Variants in CSMD1 observed in about 807,000 individuals in gnomAD.
CSMD1 encodes CUB and Sushi multiple domains 1.
In CSMD1, 213 loss-of-function variants were observed where a neutral mutation model predicts 417.5. That is an observed-to-expected ratio of 0.51 (90% CI 0.46 to 0.57). The LOEUF (loss-of-function observed/expected upper bound fraction) is 0.57. Among genes scored for constraint, CSMD1 ranks in the 20% least tolerant of loss-of-function variants. The pLI, the probability that CSMD1 is intolerant of heterozygous loss-of-function variation, is 0.00. For synonymous variants in CSMD1, 2,862 were observed against 1,736.8 expected, an observed-to-expected ratio of 1.65 and a Z score of -16.11; for missense variants, 6,923 against 4,529.7, an observed-to-expected ratio of 1.53 and a Z score of -15.17.
chr8:4,056,616 T>C (rs1465720957), intron 3 of CSMD1, among the ~76,000 whole-genome samples: 2 of 151,906 alleles, frequency 1.3e-5, no homozygotes, highest in Non-Finnish European at 1.5e-5. Context: ...ACATGTGCCA[T>C]GCTGGGGTCC....
At chr8:4,459,675 G>C (rs1453976773) in intron 2 of CSMD1, among the ~76,000 whole-genome samples, 2 of 152,202 alleles carry the variant, frequency 1.3e-5, no homozygotes, top group Admixed American at 6.5e-5. Context: ...CTGCAAAGAA[G>C]TGTGGACATA....
intron 10 of CSMD1, among the ~76,000 whole-genome samples, chr8:3,558,176 C>G (rs568721199): frequency 1.3e-5 from 2 of 149,786 alleles, no homozygotes; most frequent in African/African-American, 5.0e-5. Context: ...CACCCCGTGT[C>G]CACTCCTCCA....
intron 54 of CSMD1, among the ~76,000 whole-genome samples, chr8:2,994,588 A>C (rs570283802): frequency 5.8e-4 from 88 of 152,332 alleles, no homozygotes; most frequent in African/African-American, 1.8e-3. Context: ...CTTTTATGAA[A>C]AACAACTCAT....
At chr8:3,385,317 A>G (rs771871689) in intron 18 of CSMD1, among the ~76,000 whole-genome samples, 12 of 138,908 alleles carry the variant, frequency 8.6e-5, no homozygotes, top group Admixed American at 4.0e-4. Context: ...CTTGCTAGAT[A>G]TATTATTCCT....
intron 1 of CSMD1, among the ~76,000 whole-genome samples, chr8:4,841,649 G>A (rs374782439): frequency 3.9e-5 from 6 of 152,012 alleles, no homozygotes; most frequent in Non-Finnish European, 5.9e-5. Context: ...GGTGGCTCAC[G>A]CCTGTAATCC....
intron 10 of CSMD1, among the ~76,000 whole-genome samples, chr8:3,536,771 G>A (rs538578210): frequency 9.2e-5 from 14 of 152,150 alleles, no homozygotes; most frequent in Non-Finnish European, 1.8e-4. Flanking sequence ...TTGTGTGGAA[G>A]GGACTAAGTC....
intron 1 of CSMD1, among the ~76,000 whole-genome samples, chr8:4,923,861 C>G (rs1229142247): frequency 2.0e-5 from 3 of 152,102 alleles, no homozygotes; most frequent in Non-Finnish European, 4.4e-5. Flanking sequence ...GTAACTGGCC[C>G]ACAAACTATA....
At chr8:3,549,473 A>G (rs887653551) in intron 10 of CSMD1, among the ~76,000 whole-genome samples, 3 of 152,210 alleles carry the variant, frequency 2.0e-5, no homozygotes, top group Non-Finnish European at 4.4e-5. Flanking sequence ...ATGTCGCAGC[A>G]GTGAGAGATG....
chr8:4,111,332 C>A (rs571369130), intron 3 of CSMD1, among the ~76,000 whole-genome samples: 5 of 151,628 alleles, frequency 3.3e-5, no homozygotes, highest in East Asian at 3.9e-4. Context: ...TCTGCTGTTA[C>A]GAAAAAAGAC....
At chr8:3,390,899 G>T (rs536853258) in intron 17 of CSMD1, among the ~76,000 whole-genome samples, 2 of 152,104 alleles carry the variant, frequency 1.3e-5, no homozygotes, top group South Asian at 4.2e-4. Flanking sequence ...CACAGCCTCC[G>T]AGAGGTTTCA....
At chr8:3,567,859 T>G (rs13279490) in intron 10 of CSMD1, among the ~76,000 whole-genome samples, 1 of 151,998 alleles carries the variant, frequency 6.6e-6, no homozygotes. Flanking sequence ...TCTCATTATA[T>G]AGTTGGACTC....
chr8:4,116,264 G>A (rs913260549), intron 3 of CSMD1, among the ~76,000 whole-genome samples: 1 of 151,896 alleles, frequency 6.6e-6, no homozygotes, highest in Non-Finnish European at 1.5e-5. Flanking sequence ...ACAGTGCTGG[G>A]ATTACAAGTG....
intron 3 of CSMD1, among the ~76,000 whole-genome samples, chr8:4,143,801 G>A (rs1009919758): frequency 2.6e-5 from 4 of 151,304 alleles, no homozygotes; most frequent in South Asian, 2.1e-4. Flanking sequence ...CAAGCAAGCT[G>A]TTCCAGGGCC....
intron 8 of CSMD1, among the ~76,000 whole-genome samples, chr8:3,603,353 G>C (rs113638461): frequency 1.9e-4 from 29 of 152,164 alleles, no homozygotes; most frequent in African/African-American, 6.5e-4. Context: ...AAAACACTTT[G>C]GACAATGGCA....
At chr8:4,851,004 T>C (rs933676983) in intron 1 of CSMD1, among the ~76,000 whole-genome samples, 1 of 151,734 alleles carries the variant, frequency 6.6e-6, no homozygotes, top group African/African-American at 2.4e-5. Context: ...AAAGTGCAGG[T>C]TAGTTACATA....
At chr8:4,543,257 G>C (rs766234088) in intron 2 of CSMD1, among the ~76,000 whole-genome samples, 4 of 152,022 alleles carry the variant, frequency 2.6e-5, no homozygotes, top group Non-Finnish European at 2.9e-5. Context: ...CACATCTGAC[G>C]GTGTGGACTG....
chr8:4,042,528 A>G (rs1454445693), intron 3 of CSMD1, among the ~76,000 whole-genome samples: 6 of 152,128 alleles, frequency 3.9e-5, no homozygotes, highest in Non-Finnish European at 7.4e-5. Context: ...TAGCAGGCCC[A>G]TACCACAAGG....
At chr8:4,744,695 A>G (rs555084524) in intron 1 of CSMD1, among the ~76,000 whole-genome samples, 5 of 152,324 alleles carry the variant, frequency 3.3e-5, no homozygotes, top group South Asian at 2.1e-4. Flanking sequence ...ATTATTTTAC[A>G]TAATGCTTTT....
At chr8:3,023,848 G>A (rs960406708) in intron 51 of CSMD1, among the ~76,000 whole-genome samples, 2 of 145,574 alleles carry the variant, frequency 1.4e-5, no homozygotes, top group Non-Finnish European at 3.0e-5. Flanking sequence ...ATGAACACTG[G>A]GGAGTCAAAA....
Sources: gnomAD v4.1 joint callset for allele counts (sites outside exome capture counted in the v4.1 genomes callset) on GRCh38, gnomAD v4.1.1 for gene constraint, MANE v1.5 for transcripts, NCBI Gene and HGNC (gene_info 2026-07-23, HGNC 2026-07-21) for gene names.